NCKAP5: variants seen among roughly 807,000 people sequenced by gnomAD.
NCKAP5 encodes the protein nck-associated protein 5.
NCKAP5 carries 92 observed loss-of-function variants against 167.0 expected under a neutral mutation model. The ratio of observed to expected loss-of-function variants is 0.55; its 90% CI spans 0.47 to 0.66. NCKAP5 has a LOEUF of 0.66. Ranked by LOEUF, NCKAP5 falls within the 30% of genes least tolerant of loss-of-function variation. The pLI is 0.00. For missense variants in NCKAP5, 2,378 were observed against 2,315.0 expected (o/e 1.03, Z -0.56); for synonymous variants, 891 against 877.4 (o/e 1.02, Z -0.27).
chr2:133,450,469 T>C (rs997064311), intron 3 of NCKAP5, among the ~76,000 whole-genome samples: 3 of 152,238 alleles, frequency 2.0e-5, no homozygotes, highest in Non-Finnish European at 4.4e-5. Context: ...GCCATTCATA[T>C]TGAGATTACT....
chr2:132,795,842 A>AAAAAAAAAAAAAAAAG (rs1684556240), intron 12 of NCKAP5, among the ~76,000 whole-genome samples: 1 of 150,324 alleles, frequency 6.7e-6, no homozygotes. Flanking sequence ...AAAAAAACAA[A>AAAAAAAAAAAAAAAAG]AAAAACAAAA....
chr2:133,311,806 G>T (rs1363371466), intron 3 of NCKAP5, among the ~76,000 whole-genome samples: 1 of 152,168 alleles, frequency 6.6e-6, no homozygotes, highest in African/African-American at 2.4e-5. Context: ...CTATCTACAA[G>T]GGTTTTAGGA....
In NCKAP5 at chr2:133,322,057, G is replaced by A. The variant is rs570975298; in HGVS notation, c.70-18947C>T. On this transcript the variant is annotated intron_variant, in intron 3 of 19. Transcript: ENST00000409261. ...CTAGTTTTTATACATTTCATACTTC[G>A]TCTCATAAGTCATTCTGTAAAGTGA... Among the ~76,000 whole-genome samples the A allele has an allele frequency of 4.9e-4, 74 of 152,044 alleles. 1 individual carries two copies. Among genetic ancestry groups the A allele is most frequent in the African/African-American group, 1.6e-3 (68 of 41,426 alleles).
chr2:133,326,848 G>C (rs1424899666), intron 3 of NCKAP5, among the ~76,000 whole-genome samples: 8 of 152,142 alleles, frequency 5.3e-5, no homozygotes, highest in African/African-American at 1.9e-4. Context: ...AGCATTTCCT[G>C]GGTGCTTGCT....
chr2:133,183,811 T>C (rs542545923), intron 5 of NCKAP5, among the ~76,000 whole-genome samples: 12 of 152,226 alleles, frequency 7.9e-5, no homozygotes, highest in Admixed American at 1.3e-4. Context: ...ACATTGTCTA[T>C]ATAAAAAATC....
intron 3 of NCKAP5, among the ~76,000 whole-genome samples, chr2:133,437,519 A>T (rs1690566875): frequency 6.6e-6 from 1 of 152,208 alleles, no homozygotes; most frequent in Admixed American, 6.5e-5. Context: ...AGTAAACTAA[A>T]GCCTTCTTTC....
At chr2:132,945,709 C>T (rs1195626439) in intron 8 of NCKAP5, among the ~76,000 whole-genome samples, 1 of 152,200 alleles carries the variant, frequency 6.6e-6, no homozygotes, top group Non-Finnish European at 1.5e-5. Context: ...TATTGTACCA[C>T]ACCCCATGCT....
At chr2:133,436,434 A>C (rs1399293616) in intron 3 of NCKAP5, among the ~76,000 whole-genome samples, 1 of 152,176 alleles carries the variant, frequency 6.6e-6, no homozygotes, top group African/African-American at 2.4e-5. Context: ...CACCATAAAG[A>C]AGCACCACAG....
At chr2:133,192,571 T>C (rs1003536155) in intron 5 of NCKAP5, among the ~76,000 whole-genome samples, 8 of 151,922 alleles carry the variant, frequency 5.3e-5, no homozygotes, top group Middle Eastern at 6.8e-3. Context: ...AAAATACAAT[T>C]CAATTAGAAA....
chr2:132,782,826 C>CTTGTTGGG lies in NCKAP5; in HGVS notation c.3984_3985insCCCAACAA (p.Ala1329ProfsTer45). 6.2e-7 allele frequency: 1 copy of CTTGTTGGG among 1,613,878 alleles called. No individual in the cohort carries two copies. The highest frequency in any genetic ancestry group is 8.5e-7 in the Non-Finnish European group (1 of 1,179,844). ...CTGGGGAGACTCTCCAACATGGGAG[C>CTTGTTGGG]AGAAGGGGCCTTGTTGGGAGAGCTT... is the stretch of plus-strand genomic sequence containing the variant. On this transcript the variant is annotated frameshift_variant, in exon 14 of 20. Coordinates refer to ENST00000409261, the MANE Select transcript of NCKAP5 (RefSeq NM_207363.3). LOFTEE classifies it high-confidence loss of function.
At chr2:133,465,742 C>A (rs1438046516) in intron 3 of NCKAP5, among the ~76,000 whole-genome samples, 2 of 152,026 alleles carry the variant, frequency 1.3e-5, no homozygotes. Flanking sequence ...TTTTGATTTG[C>A]ATTTCTCTGA....
intron 6 of NCKAP5, among the ~76,000 whole-genome samples, chr2:132,998,968 T>A (rs2077694178): frequency 6.6e-6 from 1 of 152,154 alleles, no homozygotes; most frequent in Admixed American, 6.5e-5. Flanking sequence ...CTAAGACCAT[T>A]TTTTCCCCTA....
intron 4 of NCKAP5, among the ~76,000 whole-genome samples, chr2:133,239,169 T>G (rs1453357735): frequency 1.3e-5 from 2 of 152,322 alleles, no homozygotes; most frequent in South Asian, 4.1e-4. Flanking sequence ...TTCTAAAATA[T>G]GTTCACTTAT....
chr2:133,297,296 C>T (rs1460283433), intron 4 of NCKAP5, among the ~76,000 whole-genome samples: 2 of 151,818 alleles, frequency 1.3e-5, no homozygotes, highest in African/African-American at 4.8e-5. Flanking sequence ...ATTCTGACTC[C>T]ATTCTCTTCT....
intron 4 of NCKAP5, among the ~76,000 whole-genome samples, chr2:133,237,718 C>A (rs569338678): frequency 1.3e-5 from 2 of 152,308 alleles, no homozygotes; most frequent in East Asian, 3.9e-4. Context: ...TTGAAAATAA[C>A]CCTTTAAAAG....
chr2:133,448,248 G>C (rs1363505361), intron 3 of NCKAP5, among the ~76,000 whole-genome samples: 1 of 138,382 alleles, frequency 7.2e-6, no homozygotes, highest in Non-Finnish European at 1.5e-5. Context: ...ATATTGTTCT[G>C]GGAAAAAAAA....
Position 133,533,734 on chromosome 2 carries a change from T to C in NCKAP5, c.-61-16147A>G, listed in dbSNP as rs536927376. On this transcript the variant is annotated intron_variant, in intron 2 of 19. Transcript: ENST00000409261. ...GTTCTGAAAGCACAAAGGTTTTTTCTTCTTACATTAAAATTAAAATTAAAA... is the reference window on the plus strand; with the variant it reads ...GTTCTGAAAGCACAAAGGTTTTTTCCTCTTACATTAAAATTAAAATTAAAA... Among the ~76,000 whole-genome samples the C allele has an allele frequency of 1.1e-4, 17 of 152,358 alleles. No individual in the cohort carries two copies. In the South Asian group the frequency reaches 3.5e-3, roughly 32 times the overall value.
chr2:132,969,416 G>C (rs1438334296), intron 7 of NCKAP5, among the ~76,000 whole-genome samples: 1 of 151,784 alleles, frequency 6.6e-6, no homozygotes, highest in Non-Finnish European at 1.5e-5. Flanking sequence ...AATTCTTAGA[G>C]AACAAGGAAT....
In NCKAP5 at chr2:133,058,302, A is replaced by G. The variant is rs567507453; in HGVS notation, c.342-64063T>C. Among the ~76,000 whole-genome samples the G allele has an allele frequency of 1.1e-4, 16 of 152,310 alleles. No homozygotes were observed. The East Asian group carries it at 2.7e-3, about 26-fold the overall frequency. ...ACTCTCAGGCCTTATTATTTAAGAA[A>G]TATTTTTTATAAGGCTATAGCTGCC... On this transcript the variant is annotated intron_variant, in intron 6 of 19. Transcript: ENST00000409261.
Sources: allele counts gnomAD v4.1 joint callset (sites outside exome capture counted in the v4.1 genomes callset), GRCh38; gene constraint gnomAD v4.1.1; transcripts MANE v1.5; gene names NCBI Gene and HGNC (gene_info 2026-07-23, HGNC 2026-07-21).